The following CEPT1 variants were observed in gnomAD, a reference collection of about 807,000 sequenced individuals.
The protein encoded by CEPT1 is choline/ethanolaminephosphotransferase 1.
Under a neutral mutation model 42.6 loss-of-function variants are expected in CEPT1, and 7 were observed. The ratio of observed to expected loss-of-function variants is 0.16; its 90% CI spans 0.09 to 0.31. The LOEUF (loss-of-function observed/expected upper bound fraction) is 0.31. Ranked by LOEUF, CEPT1 falls within the 10% of genes least tolerant of loss-of-function variation. The pLI, the probability that CEPT1 is intolerant of heterozygous loss-of-function variation, is 1.00. For synonymous variants in CEPT1, 171 were observed against 171.9 expected (o/e 0.99, Z 0.04); for missense variants, 306 against 502.1 (o/e 0.61, Z 3.73).
intron 1 of CEPT1, among the ~76,000 whole-genome samples, chr1:111,142,920 A>G (rs1180628958): frequency 1.3e-5 from 2 of 152,262 alleles, no homozygotes; most frequent in Admixed American, 1.3e-4. Flanking sequence ...TACAATAGCT[A>G]TAGGACTGTG....
intron 5 of CEPT1, chr1:111,179,608 T>C (rs1244814764): frequency 6.6e-6 from 1 of 152,200 alleles, no homozygotes; most frequent in Non-Finnish European, 1.5e-5. Flanking sequence ...TTTTTATAAG[T>C]AGTGCCAATT....
At chr1:111,182,744 A>C in intron 6 of CEPT1, 55 bp from the exon 7 acceptor site, 3 of 1,438,822 alleles carry the variant, frequency 2.1e-6, no homozygotes, top group Middle Eastern at 1.9e-4. Flanking sequence ...CAGCAGATCC[A>C]TGTAGTATCT....
At chr1:111,168,375 T>A (rs1557935522) in intron 4 of CEPT1, among the ~76,000 whole-genome samples, 3 of 152,100 alleles carry the variant, frequency 2.0e-5, no homozygotes, top group Admixed American at 6.5e-5. Flanking sequence ...ATGCAAGGGT[T>A]TATTAAGTTT....
At chr1:111,183,046 AT>A in intron 7 of CEPT1, 89 bp downstream of exon 7, 1 of 1,340,004 alleles carries the variant, frequency 7.5e-7, no homozygotes, top group Non-Finnish European at 1.0e-6. Flanking sequence ...AGCTTCATAA[AT>A]GGTCCTAGAG....
chr1:111,170,792 A>C (rs1656377786), intron 4 of CEPT1, among the ~76,000 whole-genome samples: 1 of 152,110 alleles, frequency 6.6e-6, no homozygotes, highest in Non-Finnish European at 1.5e-5. Context: ...TGATTTTTTT[A>C]AACAAAATCC....
chr1:111,158,425 T>C (rs1446039412), intron 2 of CEPT1, among the ~76,000 whole-genome samples: 2 of 152,164 alleles, frequency 1.3e-5, no homozygotes, highest in Non-Finnish European at 2.9e-5. Context: ...AGAGAAGCTA[T>C]TCCTTGAAAA....
intron 2 of CEPT1, among the ~76,000 whole-genome samples, chr1:111,151,295 T>G (rs1655263300): frequency 6.6e-6 from 1 of 152,170 alleles, no homozygotes. Context: ...AGCTAATATT[T>G]GTATTTTTAG....
chr1:111,170,213 G>C (rs1656351603), intron 4 of CEPT1, among the ~76,000 whole-genome samples: 1 of 152,110 alleles, frequency 6.6e-6, no homozygotes, highest in Admixed American at 6.5e-5. Flanking sequence ...GATAAAGATA[G>C]ACTGCCCTTT....
intron 4 of CEPT1, among the ~76,000 whole-genome samples, chr1:111,164,100 ACT>A (rs1372267011): frequency 6.6e-6 from 1 of 152,170 alleles, no homozygotes; most frequent in African/African-American, 2.4e-5. Flanking sequence ...CTTTATTATT[ACT>A]GTTTTTAATT....
chr1:111,159,586 G>A, intron 3 of CEPT1, 59 bp downstream of exon 3: 2 of 1,383,772 alleles, frequency 1.4e-6, no homozygotes, highest in Non-Finnish European at 9.9e-7. Context: ...AGTGTGCTAA[G>A]CAGTGTTAGA....
intron 4 of CEPT1, chr1:111,167,857 C>T: frequency 1.5e-6 from 1 of 658,158 alleles, no homozygotes; most frequent in Non-Finnish European, 1.9e-6. Context: ...ATACATATTT[C>T]TCTAATGTAC....
intron 1 of CEPT1, among the ~76,000 whole-genome samples, chr1:111,145,003 T>C (rs888787655): frequency 1.3e-5 from 2 of 152,156 alleles, no homozygotes; most frequent in African/African-American, 4.8e-5. Flanking sequence ...ATTTCTCTCC[T>C]TGATTTGAAA....
In CEPT1 at chr1:111,148,418, T is replaced by C. The variant is rs190970514; in HGVS notation, c.339+365T>C. 2.6e-5 allele frequency among the ~76,000 whole-genome samples: 4 copies of C among 152,172 alleles called. No homozygotes were observed. In the East Asian group the frequency reaches 7.7e-4, roughly 29 times the overall value. On this transcript the variant is annotated intron_variant, in intron 2 of 8. Transcript: ENST00000357172. ...TGAGAAAACTCTCTGGTATTTAGTA[T>C]GGCATGACTGTAAACTAGCCTTATC...
chr1:111,178,877 A>G (rs1355557351), intron 5 of CEPT1: 2 of 152,186 alleles, frequency 1.3e-5, no homozygotes, highest in African/African-American at 4.8e-5. Context: ...TTGAACTACA[A>G]GACTTTAAAA....
At chr1:111,161,105 T>G in intron 3 of CEPT1, 50 bp from the exon 4 acceptor site, 1 of 1,600,122 alleles carries the variant, frequency 6.2e-7, no homozygotes, top group Non-Finnish European at 8.6e-7. Context: ...TCCAGCTCAG[T>G]TGTTTGCTAT....
chr1:111,147,846 A>G lies in CEPT1; in HGVS notation c.132A>G (p.Ser44=). The change falls in exon 2 of 9, where the codon TCA becomes TCG. Residue 44 remains serine, a synonymous_variant. Transcript: ENST00000357172. Reference sequence around the variant, plus strand: ...TTCAGTTACCAACACCACCATTGTCAAGACACCAACTAAAGCGGCTAGAAG... The same window carrying G: ...TTCAGTTACCAACACCACCATTGTCGAGACACCAACTAAAGCGGCTAGAAG... ...KLFQLPTPPL[S]RHQLKRLEEH... is the part of the protein sequence containing the mutation. 2.5e-6 allele frequency: 4 copies of G among 1,614,192 alleles called. No homozygotes were observed. The highest frequency in any genetic ancestry group is 3.4e-6 in the Non-Finnish European group (4 of 1,180,018).
chr1:111,182,144 G>A, intron 5 of CEPT1, 43 bp from the exon 6 acceptor site: 1 of 1,453,374 alleles, frequency 6.9e-7, no homozygotes, highest in Non-Finnish European at 9.3e-7. Context: ...TCTTATTTTA[G>A]TTTGTATATG....
intron 2 of CEPT1, among the ~76,000 whole-genome samples, chr1:111,158,952 C>A (rs1253661510): frequency 9.1e-6 from 1 of 110,222 alleles, no homozygotes; most frequent in East Asian, 2.9e-4. Flanking sequence ...CTCGCTCTGT[C>A]GCCCAGGCTG....
At chr1:111,174,829 T>G in intron 4 of CEPT1, 50 bp from the exon 5 acceptor site, 16 of 1,134,808 alleles carry the variant, frequency 1.4e-5, no homozygotes, top group Non-Finnish European at 2.2e-5. Flanking sequence ...GTAATTAACT[T>G]GAAATTGTTG....
Sources: allele counts gnomAD v4.1 joint callset (sites outside exome capture counted in the v4.1 genomes callset), GRCh38; gene constraint gnomAD v4.1.1; transcripts MANE v1.5; gene names NCBI Gene and HGNC (gene_info 2026-07-23, HGNC 2026-07-21).